TRIM75: variants seen among roughly 807,000 people sequenced by gnomAD.
The protein encoded by TRIM75 is tripartite motif containing 75.
the TRIM75 span, chr4:165,059,511 C>T: frequency 1.3e-6 from 1 of 780,806 alleles, no homozygotes; most frequent in African/African-American, 1.7e-5. Context: ...GTGCACTCAG[C>T]CCCCTGACCA....
chr4:165,054,405 C>T, the TRIM75 span, among the ~76,000 whole-genome samples: 213 of 151,826 alleles, frequency 1.4e-3, 1 homozygote, highest in African/African-American at 4.9e-3. Flanking sequence ...GTAGCTGGGA[C>T]TACAGGCATG....
chr4:165,059,446 A>G, the TRIM75 span: 29 of 780,782 alleles, frequency 3.7e-5, no homozygotes, highest in Non-Finnish European at 2.4e-6. Context: ...TGCGAGAAAC[A>G]CAACCAGCCC....
the TRIM75 span, among the ~76,000 whole-genome samples, chr4:165,058,557 C>T: frequency 6.6e-6 from 1 of 152,038 alleles, no homozygotes; most frequent in Non-Finnish European, 1.5e-5. Flanking sequence ...TGCCTCAGGG[C>T]CTAAGCTGTT....
chr4:165,056,297 A>ATT, the TRIM75 span, among the ~76,000 whole-genome samples: 7,281 of 148,502 alleles, frequency 0.049, 212 homozygotes, highest in African/African-American at 0.07. Flanking sequence ...AATAAAAATG[A>ATT]TTTTTTTTTT....
chr4:165,056,592 GTC>G, the TRIM75 span, among the ~76,000 whole-genome samples: 38 of 101,844 alleles, frequency 3.7e-4, no homozygotes, highest in African/African-American at 1.5e-3. Flanking sequence ...TTCTTTCTCT[GTC>G]TCTGTCTCTT....
At chr4:165,059,989 A>C in the TRIM75 span, 1 of 777,960 alleles carries the variant, frequency 1.3e-6, no homozygotes, top group African/African-American at 1.7e-5. Context: ...TTTCCTCCCC[A>C]ATATTCTGCT....
At chr4:165,056,113 G>T in the TRIM75 span, among the ~76,000 whole-genome samples, 9 of 151,620 alleles carry the variant, frequency 5.9e-5, no homozygotes, top group Non-Finnish European at 1.0e-4. Context: ...TTTTAGTAGA[G>T]ACAGGGTTCC....
At chr4:165,056,602 C>CTTTTTTTTTTTTTTTTTTTTTTTT in the TRIM75 span, among the ~76,000 whole-genome samples, 1 of 69,962 alleles carries the variant, frequency 1.4e-5, no homozygotes. Context: ...GTCTCTGTCT[C>CTTTTTTTTTTTTTTTTTTTTTTTT]TTTTTTTTTT....
chr4:165,055,694 A>C, the TRIM75 span, among the ~76,000 whole-genome samples: 1 of 152,190 alleles, frequency 6.6e-6, no homozygotes, highest in Non-Finnish European at 1.5e-5. Context: ...AGGAAAGAAA[A>C]TAGTGGCAGG....
chr4:165,059,536 T>A, the TRIM75 span: 1 of 780,898 alleles, frequency 1.3e-6, no homozygotes, highest in East Asian at 2.4e-5. Flanking sequence ...GGCCACCATG[T>A]GAGGCCCATA....
At chr4:165,059,290 A>C in the TRIM75 span, 1 of 780,562 alleles carries the variant, frequency 1.3e-6, no homozygotes, top group Non-Finnish European at 2.4e-6. Flanking sequence ...CTGGATCTAC[A>C]GGAATTGTTC....
At chr4:165,055,922 CCTT>C in the TRIM75 span, among the ~76,000 whole-genome samples, 1 of 51,488 alleles carries the variant, frequency 1.9e-5, no homozygotes, top group Non-Finnish European at 4.0e-5. Context: ...TCTCTCTCTC[CCTT>C]TTTTTTTTTT....
chr4:165,056,136 A>G, the TRIM75 span, among the ~76,000 whole-genome samples: 15 of 152,116 alleles, frequency 9.9e-5, no homozygotes, highest in Non-Finnish European at 1.5e-4. Flanking sequence ...CATGTTGGCC[A>G]GGCTGGGAGA....
chr4:165,055,646 G>A, the TRIM75 span, among the ~76,000 whole-genome samples: 11 of 152,174 alleles, frequency 7.2e-5, no homozygotes, highest in African/African-American at 2.7e-4. Context: ...GATGAGGCCA[G>A]AGGGGAAGCC....
the TRIM75 span, among the ~76,000 whole-genome samples, chr4:165,056,137 G>C: frequency 6.6e-6 from 1 of 151,844 alleles, no homozygotes; most frequent in African/African-American, 2.4e-5. Context: ...ATGTTGGCCA[G>C]GCTGGGAGAC....
chr4:165,058,682 T>C, the TRIM75 span, among the ~76,000 whole-genome samples: 1 of 152,124 alleles, frequency 6.6e-6, no homozygotes, highest in South Asian at 2.1e-4. Context: ...AGACTGGGAC[T>C]AGGGGAGGAT....
At chr4:165,055,281 T>C in the TRIM75 span, among the ~76,000 whole-genome samples, 3 of 125,612 alleles carry the variant, frequency 2.4e-5, no homozygotes. Flanking sequence ...GTAAGATAAC[T>C]ACTTTTTTTT....
the TRIM75 span, chr4:165,059,160 G>T: frequency 1.3e-6 from 1 of 776,414 alleles, no homozygotes; most frequent in South Asian, 1.4e-5. Context: ...GGCAGTGGCA[G>T]CAGCTCTGAC....
At chr4:165,057,436 T>C in the TRIM75 span, among the ~76,000 whole-genome samples, 1 of 152,206 alleles carries the variant, frequency 6.6e-6, no homozygotes, top group Admixed American at 6.5e-5. Flanking sequence ...TTTGTATATA[T>C]GTTTGAATAT....
Sources: allele counts gnomAD v4.1 joint callset (sites outside exome capture counted in the v4.1 genomes callset), GRCh38; gene constraint gnomAD v4.1.1; transcripts MANE v1.5; gene names NCBI Gene and HGNC (gene_info 2026-07-23, HGNC 2026-07-21).